LRP1B: variants seen among roughly 807,000 people sequenced by gnomAD.
The protein encoded by LRP1B is low-density lipoprotein receptor-related protein 1B.
LRP1B carries 217 observed loss-of-function variants against 556.6 expected under a neutral mutation model. That is an observed-to-expected ratio of 0.39 (90% CI 0.35 to 0.44). The LOEUF (loss-of-function observed/expected upper bound fraction) is 0.44. LRP1B is among the 20% of genes least tolerant of loss of function. The pLI is 1.00. For synonymous variants in LRP1B, 2,047 were observed against 1,865.8 expected (o/e 1.10, Z -2.50); for missense variants, 5,053 against 5,620.8 (o/e 0.90, Z 3.23).
intron 55 of LRP1B, among the ~76,000 whole-genome samples, chr2:140,500,692 T>A (rs940567890): frequency 1.3e-5 from 2 of 152,030 alleles, no homozygotes; most frequent in Non-Finnish European, 2.9e-5. Context: ...AAATCGTCTT[T>A]GCTCTAAGCA....
chr2:140,280,333 A>C (rs570937090), intron 84 of LRP1B, among the ~76,000 whole-genome samples: 1 of 151,878 alleles, frequency 6.6e-6, no homozygotes, highest in African/African-American at 2.4e-5. Context: ...AATATAGATA[A>C]AAGATTTTGT....
At chr2:141,371,880 C>T (rs1189377995) in intron 3 of LRP1B, among the ~76,000 whole-genome samples, 2 of 151,818 alleles carry the variant, frequency 1.3e-5, no homozygotes, top group African/African-American at 4.8e-5. Context: ...GCCCAATTGC[C>T]CTGGTGAGAA....
intron 1 of LRP1B, among the ~76,000 whole-genome samples, chr2:141,975,367 C>A (rs2105083930): frequency 6.6e-6 from 1 of 151,860 alleles, no homozygotes; most frequent in African/African-American, 2.4e-5. Flanking sequence ...TGAGGGTGTC[C>A]TTATCTGTTG....
intron 49 of LRP1B, among the ~76,000 whole-genome samples, chr2:140,523,951 CA>C (rs1690304169): frequency 6.6e-6 from 1 of 151,728 alleles, no homozygotes; most frequent in Non-Finnish European, 1.5e-5. Context: ...GCAATTGCAA[CA>C]AAAACAGAAA....
chr2:140,990,019 A>G (rs1215623001), intron 16 of LRP1B, among the ~76,000 whole-genome samples: 1 of 152,042 alleles, frequency 6.6e-6, no homozygotes, highest in Non-Finnish European at 1.5e-5. Context: ...CAGTCTGGCC[A>G]ACTTGGTGAA....
chr2:140,369,664 A>G (rs1682906543), intron 71 of LRP1B, among the ~76,000 whole-genome samples: 1 of 116,812 alleles, frequency 8.6e-6, no homozygotes, highest in Non-Finnish European at 1.8e-5. Flanking sequence ...AAGGAGCTGT[A>G]AAAAAAAAAA....
intron 84 of LRP1B, among the ~76,000 whole-genome samples, chr2:140,275,402 A>G (rs984550378): frequency 4.0e-5 from 6 of 151,892 alleles, no homozygotes; most frequent in Non-Finnish European, 7.4e-5. Context: ...TTGTCCCTTC[A>G]TTCAGTCTTG....
intron 29 of LRP1B, among the ~76,000 whole-genome samples, chr2:140,844,993 CTAAG>C (rs1479338055): frequency 6.6e-6 from 1 of 151,952 alleles, no homozygotes; most frequent in Non-Finnish European, 1.5e-5. Context: ...AATGGGTGAG[CTAAG>C]TAAGAGTGAT....
intron 18 of LRP1B, among the ~76,000 whole-genome samples, chr2:140,968,056 G>A (rs1449025359): frequency 3.0e-5 from 4 of 134,732 alleles, no homozygotes. Flanking sequence ...AAATGAGTTA[G>A]GGAGGATTCC....
Position 140,376,347 on chromosome 2 carries a change from T to C in LRP1B, c.10638+1833A>G, listed in dbSNP as rs188199222. ...TTGTGAATATGATTCAAGATAAATA[T>C]ATAAGCCTTAACCAATACATCCCCA... On this transcript the variant is annotated intron_variant, in intron 68 of 90. Transcript: ENST00000389484. Among the ~76,000 whole-genome samples, 47 of 152,312 alleles carry C rather than the reference T, an allele frequency of 3.1e-4. 1 individual carries two copies. The East Asian group carries it at 8.7e-3, about 28-fold the overall frequency.
intron 2 of LRP1B, among the ~76,000 whole-genome samples, chr2:141,681,851 C>T (rs558373789): frequency 2.6e-4 from 40 of 152,246 alleles, no homozygotes; most frequent in Admixed American, 2.3e-3. Context: ...TCCTACTCTT[C>T]AGTTCAATAG....
intron 1 of LRP1B, among the ~76,000 whole-genome samples, chr2:141,958,549 T>C (rs1435610): frequency 9.9e-5 from 15 of 151,884 alleles, no homozygotes; most frequent in Non-Finnish European, 1.5e-4. Context: ...TATAATTTTT[T>C]AAAAAATCTG....
chr2:141,028,685 T>C (rs1336702834), intron 11 of LRP1B, among the ~76,000 whole-genome samples: 11 of 152,140 alleles, frequency 7.2e-5, no homozygotes. Flanking sequence ...CATTCTTTAA[T>C]GATTCTTAGA....
intron 59 of LRP1B, among the ~76,000 whole-genome samples, chr2:140,480,587 C>T (rs1414955102): frequency 2.0e-5 from 3 of 150,712 alleles, no homozygotes; most frequent in South Asian, 2.1e-4. Flanking sequence ...ATTACAGGCC[C>T]GTGCCACCAA....
chr2:140,281,831 G>C (rs998721291), intron 84 of LRP1B, among the ~76,000 whole-genome samples: 33 of 151,798 alleles, frequency 2.2e-4, no homozygotes, highest in Admixed American at 4.6e-4. Context: ...ATATTTAATT[G>C]TGTCCCAGAG....
chr2:142,025,769 AGAGTT>A (rs1482302151), intron 1 of LRP1B, among the ~76,000 whole-genome samples: 1 of 152,278 alleles, frequency 6.6e-6, no homozygotes, highest in East Asian at 1.9e-4. Flanking sequence ...AATTTATTAA[AGAGTT>A]GATTGATTAA....
intron 3 of LRP1B, among the ~76,000 whole-genome samples, chr2:141,397,823 AT>A (rs1690298119): frequency 6.6e-6 from 1 of 150,696 alleles, no homozygotes; most frequent in African/African-American, 2.4e-5. Flanking sequence ...ATACATATAT[AT>A]TTACATTACA....
chr2:140,515,065 A>G (rs986106562), intron 50 of LRP1B, among the ~76,000 whole-genome samples: 7 of 151,950 alleles, frequency 4.6e-5, no homozygotes, highest in Admixed American at 1.3e-4. Flanking sequence ...TGTTATTATT[A>G]TTTTTTGAAT....
intron 3 of LRP1B, among the ~76,000 whole-genome samples, chr2:141,478,374 A>T (rs571747590): frequency 6.6e-6 from 1 of 152,328 alleles, no homozygotes; most frequent in Admixed American, 6.5e-5. Flanking sequence ...TCTATCTGAA[A>T]ATTCAAAAAC....
Sources: allele counts gnomAD v4.1 joint callset (sites outside exome capture counted in the v4.1 genomes callset), GRCh38; gene constraint gnomAD v4.1.1; transcripts MANE v1.5; gene names NCBI Gene and HGNC (gene_info 2026-07-23, HGNC 2026-07-21).